Variants in CLTC observed in about 807,000 individuals in gnomAD.
The protein encoded by CLTC is clathrin heavy chain 1.
Under a neutral mutation model 195.8 loss-of-function variants are expected in CLTC, and 16 were observed. The ratio of observed to expected loss-of-function variants is 0.08; its 90% CI spans 0.06 to 0.12. The LOEUF is 0.12. CLTC is among the 10% of genes least tolerant of loss of function. The pLI, the probability that CLTC is intolerant of heterozygous loss-of-function variation, is 1.00. For missense variants in CLTC, 796 were observed against 2,027.0 expected (o/e 0.39, Z 11.66); for synonymous variants, 667 against 689.4 (o/e 0.97, Z 0.51).
chr17:59,686,817 T>G (rs1358534), intron 30 of CLTC, among the ~76,000 whole-genome samples: 124,839 of 152,162 alleles, frequency 0.82, 51,470 homozygotes, highest in South Asian at 0.94. Flanking sequence ...TTCTTCTGCA[T>G]TAAGCTTTGA....
intron 1 of CLTC, among the ~76,000 whole-genome samples, chr17:59,631,138 C>G (rs2031702676): frequency 6.6e-6 from 1 of 152,104 alleles, no homozygotes. Flanking sequence ...ATTTTTAATT[C>G]TGTGTGTCTG....
At chr17:59,657,784 AGAAG>A (rs1374197680) in intron 6 of CLTC, among the ~76,000 whole-genome samples, 19 of 151,192 alleles carry the variant, frequency 1.3e-4, no homozygotes, top group African/African-American at 4.1e-4. Context: ...AAAAAAAAAA[AGAAG>A]GAAAATCAAG....
rs184985127 is a variant in CLTC at position 59,623,752 on chromosome 17, A to G, written c.42+3579A>G. ...CGTTGTGGCTTTTTCTCTTTGAGTT[A>G]TTGTCCAGTAGAACTTTCTTCAATG... On this transcript the variant is annotated intron_variant, in intron 1 of 31. Transcript: ENST00000269122. Among the ~76,000 whole-genome samples, 107 of 152,198 alleles carry G rather than the reference A, an allele frequency of 7.0e-4. 2 individuals carry two copies. In the East Asian group the frequency reaches 0.017, roughly 24 times the overall value.
intron 2 of CLTC, among the ~76,000 whole-genome samples, chr17:59,645,032 A>G (rs2032153612): frequency 6.6e-6 from 1 of 152,236 alleles, no homozygotes; most frequent in Admixed American, 6.5e-5. Context: ...GAATAATTTT[A>G]AGTTTTAGAA....
Position 59,690,717 on chromosome 17 carries a change from C to T in CLTC, c.4903+6C>T. 1 of 1,603,656 alleles carries T rather than the reference C, an allele frequency of 6.2e-7. No individual in the cohort carries two copies. ...GACACAACCCATTGTTTATGGTAAT[C>T]TCTCTCTGTAACCTCAAAAAATTCA... On this transcript the variant is annotated splice_donor_region_variant and intron_variant, in intron 31 of 31. Coordinates refer to ENST00000269122, the MANE Select transcript of CLTC (RefSeq NM_004859.4).
intron 5 of CLTC, among the ~76,000 whole-genome samples, chr17:59,655,400 A>G (rs992636881): frequency 2.0e-5 from 3 of 152,216 alleles, no homozygotes; most frequent in African/African-American, 7.2e-5. Flanking sequence ...ATGACTGGCC[A>G]CAGATCAACA....
chr17:59,669,759 GA>G (rs1471333219), intron 14 of CLTC, among the ~76,000 whole-genome samples: 1 of 151,856 alleles, frequency 6.6e-6, no homozygotes, highest in Admixed American at 6.6e-5. Flanking sequence ...AGACTTTATA[GA>G]AAGTTCTGAA....
intron 1 of CLTC, among the ~76,000 whole-genome samples, chr17:59,627,446 G>T (rs148137753): frequency 4.5e-4 from 69 of 152,294 alleles, no homozygotes; most frequent in African/African-American, 1.6e-3. Context: ...CACAGCTAGT[G>T]AGCAGTCAGA....
intron 1 of CLTC, 130 bp from the exon 2 acceptor site, chr17:59,644,146 T>G: frequency 1.5e-6 from 1 of 687,416 alleles, no homozygotes; most frequent in South Asian, 1.9e-5. Flanking sequence ...CTCTCTTTAA[T>G]TAACATAATG....
intron 1 of CLTC, among the ~76,000 whole-genome samples, chr17:59,624,409 G>A (rs570395110): frequency 1.6e-4 from 24 of 146,916 alleles, no homozygotes; most frequent in Middle Eastern, 7.2e-3. Flanking sequence ...TTTAGGGGTT[G>A]TTGAAACAAA....
chr17:59,621,707 A>G (rs775490558), intron 1 of CLTC, among the ~76,000 whole-genome samples: 12 of 152,232 alleles, frequency 7.9e-5, no homozygotes, highest in Non-Finnish European at 1.6e-4. Flanking sequence ...TACCTTGGCA[A>G]TAAAAACACT....
At chr17:59,640,355 T>G (rs2031991549) in intron 1 of CLTC, among the ~76,000 whole-genome samples, 1 of 151,592 alleles carries the variant, frequency 6.6e-6, no homozygotes, top group South Asian at 2.1e-4. Flanking sequence ...TTTGAAGAGG[T>G]GGAAGCAAAT....
Position 59,666,875 on chromosome 17 carries a change from C to T in CLTC, c.2026C>T (p.Arg676Cys), listed in dbSNP as rs749909728. ...CLRAMLSANIRQNLQICVQVA... is the reference protein window; with the variant it reads ...CLRAMLSANICQNLQICVQVA... ...CAGAGCCATGCTGTCTGCCAACATCCGTCAGAATCTGCAGATTTGTGTTCA... is the reference window on the plus strand; with the variant it reads ...CAGAGCCATGCTGTCTGCCAACATCTGTCAGAATCTGCAGATTTGTGTTCA... The change falls in exon 13 of 32, where the codon CGT becomes TGT. Residue 676 changes from arginine (R) to cysteine (C), a missense_variant. Transcript: ENST00000269122. The surrounding 1 kb of genome is among the most constrained non-coding windows in gnomAD (Gnocchi z 4.9). The T allele has an allele frequency of 6.2e-7, 1 of 1,613,800 alleles. No homozygotes were observed. The highest frequency in any genetic ancestry group is 8.5e-7 in the Non-Finnish European group (1 of 1,179,802).
At chr17:59,688,990 C>T (rs1214864943) in intron 30 of CLTC, among the ~76,000 whole-genome samples, 1 of 152,104 alleles carries the variant, frequency 6.6e-6, no homozygotes, top group Non-Finnish European at 1.5e-5. Context: ...GCTTTAAGTT[C>T]TATAACTAAT....
intron 5 of CLTC, among the ~76,000 whole-genome samples, chr17:59,652,301 G>A (rs1445710127): frequency 3.9e-5 from 6 of 152,102 alleles, no homozygotes; most frequent in South Asian, 4.1e-4. Flanking sequence ...GTTCTTAGTG[G>A]CATCTAGAAT....
At position 59,653,778 on chromosome 17, in the gene CLTC, C is replaced by CTTT. The variant is rs562385929; in HGVS notation, c.796-2064_796-2062dup. ...GTCTCACTGTGTTGCCCTGGCTGGT[C>CTTT]TTTTTTTTTTTTTTGACACTGAGTC... On this transcript the variant is annotated intron_variant, in intron 5 of 31. Coordinates refer to ENST00000269122, the MANE Select transcript of CLTC (RefSeq NM_004859.4). Among the ~76,000 whole-genome samples, 28 of 142,922 alleles carry CTTT rather than the reference C, an allele frequency of 2.0e-4. 1 individual carries two copies. In the Middle Eastern group the frequency reaches 0.016, roughly 83 times the overall value. The allele number at this position is 142,922 out of a possible 152,430, so 93.8% of individuals were successfully genotyped here. A position where few individuals can be genotyped will look rare whatever the true frequency, so the allele number is the denominator to read the frequency against.
In CLTC at chr17:59,683,940, G is replaced by C; in HGVS notation, c.4389G>C (p.Val1463=). The C allele has an allele frequency of 6.2e-7, 1 of 1,612,800 alleles. No homozygotes were observed. Among genetic ancestry groups the C allele is most frequent in the Non-Finnish European group, 8.5e-7 (1 of 1,178,882 alleles). The part of the protein sequence containing the change: ...RSVQNHNNKS[V]NESLNNLFIT... ...TTCAGAACCATAACAACAAATCTGTGAATGAATCATTGAACAATCTTTTTA... is the reference window on the plus strand; with the variant it reads ...TTCAGAACCATAACAACAAATCTGTCAATGAATCATTGAACAATCTTTTTA... The change falls in exon 28 of 32, where the codon GTG becomes GTC. Residue 1463 remains valine (V), a synonymous_variant. Coordinates refer to ENST00000269122, the MANE Select transcript of CLTC (RefSeq NM_004859.4). This position sits in a 1 kb window ranked among gnomAD's most constrained non-coding sequence, Gnocchi z 6.1.
At position 59,682,202 on chromosome 17, in the gene CLTC, C is replaced by A. The variant is rs2033094628; in HGVS notation, c.3443-69C>A. 3 of 1,441,250 alleles carry A rather than the reference C, an allele frequency of 2.1e-6. No homozygotes were observed. Among genetic ancestry groups the A allele is most frequent in the East Asian group, 2.3e-5 (1 of 43,648 alleles). The allele number at this position is 1,441,250 out of a possible 1,614,324, so 89.3% of individuals were successfully genotyped here. A position where few individuals can be genotyped will look rare whatever the true frequency, so the allele number is the denominator to read the frequency against. ...TTGAAAAGGAAATGAATGCAATTTT[C>A]ATTTACTTGGGTGAAAGATAAACTA... On this transcript the variant is annotated intron_variant, in intron 21 of 31. Transcript: ENST00000269122. This position sits in a 1 kb window ranked among gnomAD's most constrained non-coding sequence, Gnocchi z 6.8.
chr17:59,670,392 G>A (rs1485249770), intron 14 of CLTC, among the ~76,000 whole-genome samples: 1 of 151,804 alleles, frequency 6.6e-6, no homozygotes, highest in African/African-American at 2.4e-5. Flanking sequence ...CGTCATCCAG[G>A]TATTAAGCCT....
Sources: gnomAD v4.1 joint callset for allele counts (sites outside exome capture counted in the v4.1 genomes callset) on GRCh38, gnomAD v4.1.1 for gene constraint, Gnocchi (gnomAD v3.1) non-coding constraint, MANE v1.5 for transcripts, NCBI Gene and HGNC (gene_info 2026-07-23, HGNC 2026-07-21) for gene names.